HOMER2: variants seen among roughly 807,000 people sequenced by gnomAD.
The protein encoded by HOMER2 is homer scaffold protein 2.
A neutral mutation model predicts 47.0 loss-of-function variants in HOMER2; 27 were observed. That is an observed-to-expected ratio of 0.57 (90% confidence interval 0.42 to 0.79). The LOEUF (loss-of-function observed/expected upper bound fraction) is 0.79. Ranked by LOEUF, HOMER2 falls within the 30% of genes least tolerant of loss-of-function variation. HOMER2 has a pLI of 0.00. For synonymous variants in HOMER2, 161 were observed against 163.8 expected, an observed-to-expected ratio of 0.98 and a Z score of 0.13; for missense variants, 443 against 435.0, an observed-to-expected ratio of 1.02 and a Z score of -0.16.
At chr15:82,916,858 A>G (rs1001725920) in intron 1 of HOMER2, among the ~76,000 whole-genome samples, 2 of 151,710 alleles carry the variant, frequency 1.3e-5, no homozygotes, top group Admixed American at 6.6e-5. Flanking sequence ...CTGGAGTGCA[A>G]TGGCGCGATC....
rs375158046 is a variant in HOMER2, at chr15:82,944,045, A to T, written c.5+8486T>A. On this transcript the variant is annotated intron_variant, in intron 1 of 8. Transcript: ENST00000450735. ...CTATCAACCAGGCTTATGAATAAAA[A>T]TTTTTTTTTTAAATCTCTCTAGTCT... 6.8e-3 allele frequency among the ~76,000 whole-genome samples: 1,033 copies of T among 151,380 alleles called. 5 individuals carry two copies. Among genetic ancestry groups the T allele is most frequent in the South Asian group, 0.032 (151 of 4,772 alleles).
chr15:82,880,972 G>A (rs577920425), intron 2 of HOMER2, among the ~76,000 whole-genome samples: 4 of 152,268 alleles, frequency 2.6e-5, no homozygotes, highest in East Asian at 1.9e-4. Flanking sequence ...CCCTCAATGC[G>A]GCAGAATGAC....
At chr15:82,858,370 G>C (rs2151619619) in intron 5 of HOMER2, among the ~76,000 whole-genome samples, 1 of 151,948 alleles carries the variant, frequency 6.6e-6, no homozygotes, top group South Asian at 2.1e-4. Flanking sequence ...GCTCACTGCA[G>C]CCTCTGCCAC....
In HOMER2 at chr15:82,875,051, AAGC is replaced by A. The variant is rs200688227; in HGVS notation, c.294+219_294+221del. On this transcript the variant is annotated intron_variant, in intron 3 of 8. Coordinates refer to ENST00000450735, the MANE Select transcript of HOMER2 (RefSeq NM_004839.4). Reference sequence around the variant, plus strand: ...GGCCACACTGCAACTTCAGGCCCCAAAGCAGCATTTGTTAGATACGAATTTCCC... The same window carrying A: ...GGCCACACTGCAACTTCAGGCCCCAAAGCATTTGTTAGATACGAATTTCCC... Among the ~76,000 whole-genome samples, 112 of 152,230 alleles carry A rather than the reference AAGC, an allele frequency of 7.4e-4. 2 individuals carry two copies. In the East Asian group the frequency reaches 0.021, roughly 28 times the overall value.
chr15:82,835,615 C>T (rs1024780384), downstream of HOMER2: 1 of 152,476 alleles, frequency 6.6e-6, no homozygotes, highest in African/African-American at 2.4e-5. Context: ...AATGCAAATC[C>T]AACTCCTGTG....
chr15:82,954,468 T>TTG (rs1371150004), upstream of HOMER2, among the ~76,000 whole-genome samples: 1 of 150,820 alleles, frequency 6.6e-6, no homozygotes. Context: ...CAGTTTTTTT[T>TTG]TTTTTTTGTA....
exon 2 of HOMER2, chr15:82,841,068 C>T (rs1290774784): frequency 6.6e-6 from 1 of 151,710 alleles, no homozygotes; most frequent in African/African-American, 2.4e-5. Context: ...ATGAGAAAAC[C>T]AAATCCAGAA....
At chr15:82,911,969 G>A (rs898939531) in intron 1 of HOMER2, among the ~76,000 whole-genome samples, 1 of 152,184 alleles carries the variant, frequency 6.6e-6, no homozygotes, top group Non-Finnish European at 1.5e-5. Context: ...GGCGGAGGTT[G>A]CAGTGAGCCA....
intron 1 of HOMER2, among the ~76,000 whole-genome samples, chr15:82,947,785 G>A (rs899600924): frequency 2.0e-5 from 3 of 152,186 alleles, no homozygotes; most frequent in African/African-American, 7.2e-5. Flanking sequence ...CAACATTCAA[G>A]CATTAACTCA....
intron 3 of HOMER2, among the ~76,000 whole-genome samples, chr15:82,869,420 C>G (rs1048420343): frequency 1.1e-4 from 17 of 147,942 alleles, no homozygotes; most frequent in African/African-American, 4.0e-4. Flanking sequence ...TTAATACTTC[C>G]ATGCAATTAT....
In HOMER2 at chr15:82,958,213, TA is replaced by T. The variant is rs2054602076; in HGVS notation, n.1177del. The stretch of plus-strand genomic sequence containing the variant: ...CTTAAACAATAAGCTAAATATAATG[TA>T]ACCGAGGTATGAATAAGGTAGTTCC... On this transcript the variant is annotated non_coding_transcript_exon_variant, in exon 2 of 2. Coordinates refer to the HOMER2 transcript ENST00000500334. The T allele has an allele frequency of 2.6e-5, 4 of 152,290 alleles. No individual in the cohort carries two copies. The South Asian group carries it at 8.3e-4, about 32-fold the overall frequency. 9.4% of individuals were successfully genotyped at this position (152,290 alleles called of 1,614,324 possible). A position where few individuals can be genotyped will look rare whatever the true frequency, so the allele number is the denominator to read the frequency against.
chr15:82,897,287 A>C (rs1206919917), intron 1 of HOMER2, among the ~76,000 whole-genome samples: 1 of 151,730 alleles, frequency 6.6e-6, no homozygotes, highest in African/African-American at 2.4e-5. Flanking sequence ...GCTGGTCTTG[A>C]ACTCCTGACC....
intron 3 of HOMER2, among the ~76,000 whole-genome samples, chr15:82,868,523 T>TTTTA (rs1453193520): frequency 1.6e-4 from 6 of 36,640 alleles, no homozygotes; most frequent in African/African-American, 6.8e-4. Flanking sequence ...CTTATTTATT[T>TTTTA]TATATATATA....
chr15:82,871,309 T>G (rs1166379799), intron 3 of HOMER2, among the ~76,000 whole-genome samples: 13 of 152,246 alleles, frequency 8.5e-5, no homozygotes, highest in African/African-American at 3.1e-4. Flanking sequence ...TAAAGTGTTC[T>G]TAGATGAAAA....
chr15:82,957,598 A>G (rs574659166), upstream of HOMER2, among the ~76,000 whole-genome samples: 11 of 152,180 alleles, frequency 7.2e-5, no homozygotes, highest in Non-Finnish European at 1.5e-4. Context: ...GGACCCCTCT[A>G]CAGGGCACCT....
At chr15:82,895,723 C>G (rs1010745777) in intron 1 of HOMER2, among the ~76,000 whole-genome samples, 1 of 152,146 alleles carries the variant, frequency 6.6e-6, no homozygotes, top group African/African-American at 2.4e-5. Context: ...CCCTCCTATT[C>G]CCTACATCAG....
intron 2 of HOMER2, among the ~76,000 whole-genome samples, chr15:82,878,887 C>T (rs985669211): frequency 1.3e-5 from 2 of 152,314 alleles, no homozygotes; most frequent in African/African-American, 4.8e-5. Context: ...CTCAGCCTTC[C>T]GAATGCTGGG....
chr15:82,838,299 G>A (rs2046071), exon 2 of HOMER2: 71,309 of 152,224 alleles, frequency 0.47, 17,264 homozygotes, highest in Non-Finnish European at 0.52. Context: ...TGTGCAATAA[G>A]CAAGAGAAAG....
At chr15:82,940,724 C>A (rs886209485) in intron 1 of HOMER2, among the ~76,000 whole-genome samples, 1 of 151,560 alleles carries the variant, frequency 6.6e-6, no homozygotes, top group African/African-American at 2.4e-5. Context: ...CAGAAGGAGA[C>A]TCTGTCTTAA....
Sources: gnomAD v4.1 joint callset for allele counts (sites outside exome capture counted in the v4.1 genomes callset) on GRCh38, gnomAD v4.1.1 for gene constraint, MANE v1.5 for transcripts, NCBI Gene and HGNC (gene_info 2026-07-23, HGNC 2026-07-21) for gene names.